The following VOPP1 variants were observed in gnomAD, a reference collection of about 807,000 sequenced individuals.
VOPP1 encodes the protein WW domain binding protein VOPP1.
VOPP1 carries 8 observed loss-of-function variants against 23.5 expected under a neutral mutation model. That is an observed-to-expected ratio of 0.34 (90% CI 0.20 to 0.61). The LOEUF is 0.61. VOPP1 is among the 20% of genes least tolerant of loss of function. VOPP1 has a pLI of 0.78. For missense variants in VOPP1, 174 were observed against 238.1 expected (o/e 0.73, Z 1.77); for synonymous variants, 83 against 97.3 (o/e 0.85, Z 0.86).
chr7:55,555,283 G>T (rs914567265), intron 1 of VOPP1, among the ~76,000 whole-genome samples: 1 of 152,088 alleles, frequency 6.6e-6, no homozygotes, highest in Non-Finnish European at 1.5e-5. Context: ...TTGCCCTCCC[G>T]ACCACCCCCC....
intron 2 of VOPP1, among the ~76,000 whole-genome samples, chr7:55,507,673 C>T (rs949336593): frequency 2.0e-5 from 3 of 152,204 alleles, no homozygotes; most frequent in Non-Finnish European, 4.4e-5. Context: ...ACTATGAACT[C>T]ATGGTTCTTT....
intron 4 of VOPP1, among the ~76,000 whole-genome samples, chr7:55,445,197 TTCTC>T (rs1179741459): frequency 6.7e-6 from 1 of 149,202 alleles, no homozygotes; most frequent in African/African-American, 2.5e-5. Context: ...CTCTCTCACT[TTCTC>T]TACACACACA....
chr7:55,466,335 T>C (rs1583821783), downstream of VOPP1, among the ~76,000 whole-genome samples: 1 of 152,224 alleles, frequency 6.6e-6, no homozygotes, highest in African/African-American at 2.4e-5. Flanking sequence ...AAGGCTGGCA[T>C]AGTGCAAGTC....
At chr7:55,503,263 G>A (rs906891500) in intron 2 of VOPP1, among the ~76,000 whole-genome samples, 5 of 152,150 alleles carry the variant, frequency 3.3e-5, no homozygotes, top group Non-Finnish European at 5.9e-5. Flanking sequence ...GAGAGTCTAC[G>A]GGCCACGATT....
chr7:55,445,031 A>C (rs1341802656), intron 4 of VOPP1, among the ~76,000 whole-genome samples: 1 of 152,116 alleles, frequency 6.6e-6, no homozygotes, highest in Non-Finnish European at 1.5e-5. Flanking sequence ...AACATCTTTG[A>C]CCTTCTGCCT....
At chr7:55,547,991 T>TG (rs748131191) in intron 1 of VOPP1, among the ~76,000 whole-genome samples, 2 of 152,128 alleles carry the variant, frequency 1.3e-5, no homozygotes, top group Non-Finnish European at 2.9e-5. Flanking sequence ...TCCAAGGGCT[T>TG]TCTAAAAATT....
chr7:55,514,111 T>C (rs1301115542), intron 2 of VOPP1, among the ~76,000 whole-genome samples: 1 of 152,164 alleles, frequency 6.6e-6, no homozygotes, highest in Non-Finnish European at 1.5e-5. Context: ...TACCAAGACC[T>C]GCAGAAGAAA....
intron 1 of VOPP1, among the ~76,000 whole-genome samples, chr7:55,565,586 A>C (rs1798137790): frequency 6.6e-6 from 1 of 152,256 alleles, no homozygotes; most frequent in Non-Finnish European, 1.5e-5. Context: ...GAGATGAATG[A>C]TTAATGTGAA....
intron 1 of VOPP1, among the ~76,000 whole-genome samples, chr7:55,542,871 T>G (rs1342484163): frequency 6.6e-6 from 1 of 152,252 alleles, no homozygotes; most frequent in Non-Finnish European, 1.5e-5. Flanking sequence ...TCCATATTGA[T>G]CCACATTACT....
chr7:55,460,673 G>C (rs750285870), intron 4 of VOPP1, among the ~76,000 whole-genome samples: 7 of 152,156 alleles, frequency 4.6e-5, no homozygotes, highest in Non-Finnish European at 7.4e-5. Flanking sequence ...AATTACTTTT[G>C]TACCAATCTA....
intron 1 of VOPP1, among the ~76,000 whole-genome samples, chr7:55,547,933 C>T (rs1260992692): frequency 2.0e-5 from 3 of 152,210 alleles, no homozygotes; most frequent in African/African-American, 7.2e-5. Context: ...CTTCTTCCAA[C>T]TTCTCTTAAA....
chr7:55,499,780 G>A (rs929310694), intron 2 of VOPP1, among the ~76,000 whole-genome samples: 3 of 152,148 alleles, frequency 2.0e-5, no homozygotes, highest in South Asian at 2.1e-4. Context: ...CTGGTTCCAC[G>A]GCTGCATGCT....
intron 1 of VOPP1, among the ~76,000 whole-genome samples, chr7:55,541,826 A>G (rs1172107453): frequency 3.3e-5 from 5 of 152,372 alleles, no homozygotes; most frequent in Middle Eastern, 6.8e-3. Flanking sequence ...ACCACGTTAC[A>G]TGATTCCATT....
chr7:55,516,932 ATTTTTTTTTTTT>A (rs71031862), intron 2 of VOPP1, among the ~76,000 whole-genome samples: 73 of 45,098 alleles, frequency 1.6e-3, no homozygotes, highest in South Asian at 3.5e-3. Context: ...ATATATATAT[ATTTTTTTTTTTT>A]TTTTTTTTTT....
chr7:55,568,617 C>G (rs966029624), intron 1 of VOPP1, among the ~76,000 whole-genome samples: 1 of 152,128 alleles, frequency 6.6e-6, no homozygotes, highest in South Asian at 2.1e-4. Flanking sequence ...GAACAGAGCC[C>G]TTCAAACAAA....
At chr7:55,461,420 T>C (rs1441402772) in intron 4 of VOPP1, among the ~76,000 whole-genome samples, 2 of 152,168 alleles carry the variant, frequency 1.3e-5, no homozygotes, top group Non-Finnish European at 2.9e-5. Flanking sequence ...AGTCCATTGT[T>C]TTTTTTCTTG....
intron 1 of VOPP1, among the ~76,000 whole-genome samples, chr7:55,566,863 G>C (rs1459998674): frequency 6.6e-6 from 1 of 152,158 alleles, no homozygotes; most frequent in Non-Finnish European, 1.5e-5. Context: ...CAGAAGGTGA[G>C]GCCTGGAAAA....
At chr7:55,452,719 A>C (rs1791275032) in intron 4 of VOPP1, among the ~76,000 whole-genome samples, 1 of 152,224 alleles carries the variant, frequency 6.6e-6, no homozygotes, top group African/African-American at 2.4e-5. Context: ...ATAAGCAATA[A>C]TATTTTAAAA....
intron 1 of VOPP1, among the ~76,000 whole-genome samples, chr7:55,563,642 C>T (rs1798059356): frequency 6.6e-6 from 1 of 152,206 alleles, no homozygotes; most frequent in Non-Finnish European, 1.5e-5. Flanking sequence ...ATATCTTACA[C>T]ATATAGCCTG....
Sources: allele counts gnomAD v4.1 joint callset (sites outside exome capture counted in the v4.1 genomes callset), GRCh38; gene constraint gnomAD v4.1.1; transcripts MANE v1.5; gene names NCBI Gene and HGNC (gene_info 2026-07-23, HGNC 2026-07-21).